The following TMEM117 variants were observed in gnomAD, a reference collection of about 807,000 sequenced individuals.
TMEM117 encodes transmembrane protein 117.
Under a neutral mutation model 52.4 loss-of-function variants are expected in TMEM117, and 27 were observed. That is an observed-to-expected ratio of 0.51 (90% confidence interval 0.38 to 0.71). TMEM117 has a LOEUF of 0.71. TMEM117 is among the 30% of genes least tolerant of loss of function. The pLI, the probability that TMEM117 is intolerant of heterozygous loss-of-function variation, is 0.00. For synonymous variants in TMEM117, 215 were observed against 206.3 expected (o/e 1.04, Z -0.36); for missense variants, 556 against 630.5 (o/e 0.88, Z 1.26).
chr12:43,907,750 T>A (rs376925605), intron 2 of TMEM117, among the ~76,000 whole-genome samples: 52,951 of 150,768 alleles, frequency 0.35, 11,035 homozygotes, highest in Non-Finnish European at 0.48. Flanking sequence ...GTATCAGTGA[T>A]GGAAGATGAA....
chr12:44,203,276 C>G (rs192319490), intron 4 of TMEM117, among the ~76,000 whole-genome samples: 2 of 152,246 alleles, frequency 1.3e-5, no homozygotes, highest in East Asian at 1.9e-4. Flanking sequence ...CTGTGAGGTT[C>G]TTCTGTATTT....
chr12:44,060,910 C>T (rs992745425), intron 3 of TMEM117, among the ~76,000 whole-genome samples: 8 of 152,132 alleles, frequency 5.3e-5, no homozygotes, highest in African/African-American at 1.4e-4. Context: ...GAAAAGGAGA[C>T]GTTAACAGTG....
At chr12:44,387,936 T>C in intron 7 of TMEM117, 90 bp from the exon 8 acceptor site, 1 of 1,150,856 alleles carries the variant, frequency 8.7e-7, no homozygotes, top group South Asian at 1.6e-5. Flanking sequence ...ACAATTGATG[T>C]TATTATACCA....
At chr12:43,866,600 C>T (rs1261049919) in intron 2 of TMEM117, among the ~76,000 whole-genome samples, 1 of 151,864 alleles carries the variant, frequency 6.6e-6, no homozygotes, top group Non-Finnish European at 1.5e-5. Flanking sequence ...AAATAAAAGA[C>T]ACTTTTCAAA....
intron 2 of TMEM117, among the ~76,000 whole-genome samples, chr12:43,918,057 T>C (rs570581914): frequency 1.8e-4 from 27 of 152,294 alleles, no homozygotes; most frequent in African/African-American, 6.5e-4. Flanking sequence ...GAGAACACTC[T>C]TATCATCAAG....
At chr12:43,865,724 AC>A (rs919231599) in intron 2 of TMEM117, among the ~76,000 whole-genome samples, 7 of 149,188 alleles carry the variant, frequency 4.7e-5, no homozygotes, top group Non-Finnish European at 8.8e-5. Context: ...AAAAAAAAAA[AC>A]TAATATAGAC....
chr12:43,846,076 G>C (rs1366809985), intron 2 of TMEM117, among the ~76,000 whole-genome samples: 1 of 151,908 alleles, frequency 6.6e-6, no homozygotes. Flanking sequence ...CAGGGAGTTG[G>C]AACTATAAAC....
intron 2 of TMEM117, among the ~76,000 whole-genome samples, chr12:43,856,683 A>C (rs1260770647): frequency 6.6e-6 from 1 of 152,196 alleles, no homozygotes; most frequent in African/African-American, 2.4e-5. Context: ...TTTATGTATC[A>C]ATACTTCATT....
At chr12:44,214,063 C>T (rs1407069494) in intron 5 of TMEM117, among the ~76,000 whole-genome samples, 1 of 151,156 alleles carries the variant, frequency 6.6e-6, no homozygotes. Flanking sequence ...GAGAGAAATC[C>T]ATTAATATGA....
intron 3 of TMEM117, among the ~76,000 whole-genome samples, chr12:44,130,862 G>A (rs1592543768): frequency 6.6e-6 from 1 of 151,852 alleles, no homozygotes; most frequent in East Asian, 1.9e-4. Flanking sequence ...AGAGTCTATA[G>A]CAATGCCCCT....
intron 1 of TMEM117, among the ~76,000 whole-genome samples, chr12:43,843,176 C>CT (rs1434408523): frequency 2.0e-5 from 3 of 152,316 alleles, no homozygotes; most frequent in African/African-American, 7.2e-5. Context: ...TCTTCCCCCT[C>CT]TTCCCCCTCT....
rs376147637 is a variant in TMEM117 at position 44,227,690 on chromosome 12, G to A, written c.608+16303G>A. On this transcript the variant is annotated intron_variant, in intron 5 of 7. Transcript: ENST00000266534. ...TCATAGTGCTTTACAATGTAGAAAG[G>A]TCCTTTTTGAGCATTGTCTCTGCTT... is the stretch of plus-strand genomic sequence containing the variant. Among the ~76,000 whole-genome samples, 3 of 152,140 alleles carry A rather than the reference G, an allele frequency of 2.0e-5. No homozygotes were observed. In the East Asian group the frequency reaches 5.8e-4, roughly 30 times the overall value.
the TMEM117 span, among the ~76,000 whole-genome samples, chr12:43,807,324 T>G: frequency 6.6e-6 from 1 of 152,246 alleles, no homozygotes; most frequent in Non-Finnish European, 1.5e-5. Context: ...TGAACAGGCC[T>G]GCAATTGTTT....
intron 3 of TMEM117, among the ~76,000 whole-genome samples, chr12:43,976,566 T>C (rs1427922028): frequency 6.6e-6 from 1 of 152,198 alleles, no homozygotes; most frequent in African/African-American, 2.4e-5. Context: ...TAAACAAATT[T>C]ATCTAGATCG....
intron 2 of TMEM117, among the ~76,000 whole-genome samples, chr12:43,883,789 A>C (rs12228688): frequency 1.3e-5 from 2 of 151,640 alleles, no homozygotes; most frequent in East Asian, 3.9e-4. Flanking sequence ...ACAAAAAAAA[A>C]CCCCAAACAA....
chr12:44,132,222 T>C, intron 3 of TMEM117, among the ~76,000 whole-genome samples: 1 of 151,618 alleles, frequency 6.6e-6, no homozygotes, highest in South Asian at 2.1e-4. Flanking sequence ...ACTTCTGTCT[T>C]TAACCTAGAC....
intron 3 of TMEM117, among the ~76,000 whole-genome samples, chr12:43,978,912 T>G (rs192224728): frequency 6.6e-6 from 1 of 151,618 alleles, no homozygotes; most frequent in East Asian, 1.9e-4. Flanking sequence ...TGTTGGGGAA[T>G]GTTTAGTAGG....
chr12:43,875,463 A>G (rs1943779547), intron 2 of TMEM117, among the ~76,000 whole-genome samples: 1 of 152,096 alleles, frequency 6.6e-6, no homozygotes. Context: ...AGCTTTTGGG[A>G]TATGCTGTTG....
chr12:44,131,991 C>T (rs1416352492), intron 3 of TMEM117, among the ~76,000 whole-genome samples: 1 of 151,830 alleles, frequency 6.6e-6, no homozygotes, highest in East Asian at 1.9e-4. Flanking sequence ...TAGAGATTTT[C>T]TTCAAATATA....
Sources: allele counts gnomAD v4.1 joint callset (sites outside exome capture counted in the v4.1 genomes callset), GRCh38; gene constraint gnomAD v4.1.1; transcripts MANE v1.5; gene names NCBI Gene and HGNC (gene_info 2026-07-23, HGNC 2026-07-21).